GRN: variants seen among roughly 807,000 people sequenced by gnomAD.
GRN encodes the protein progranulin.
In GRN, 30 loss-of-function variants were observed where a neutral mutation model predicts 66.7. The ratio of observed to expected loss-of-function variants is 0.45; its 90% CI spans 0.34 to 0.61. The LOEUF (loss-of-function observed/expected upper bound fraction) is 0.61, where lower values mean the gene tolerates loss of function less well. Among genes scored for constraint, GRN ranks in the 20% least tolerant of loss-of-function variants. The pLI, the probability that GRN is intolerant of heterozygous loss-of-function variation, is 0.01. For synonymous variants in GRN, 327 were observed against 311.1 expected (o/e 1.05, Z -0.54); for missense variants, 731 against 803.5 (o/e 0.91, Z 1.09).
chr17:44,349,414 C>T lies in GRN; in HGVS notation c.139-12C>T. 6.2e-7 allele frequency: 1 copy of T among 1,614,254 alleles called. No homozygotes were observed. The highest frequency in any genetic ancestry group is 1.6e-4 in the Middle Eastern group (1 of 6,062). On this transcript the variant is annotated splice_polypyrimidine_tract_variant and intron_variant, in intron 2 of 12. Coordinates refer to ENST00000053867, the MANE Select transcript of GRN (RefSeq NM_002087.4). ...ACAAGTCTGTGGTTTATCATTTTCC[C>T]TGTCTTTCTAGGACAAATGGCCCAC...
chr17:44,352,627 C>T lies in GRN; in HGVS notation c.1645-34C>T, dbSNP rs369679009. 8.5e-5 allele frequency: 137 copies of T among 1,610,530 alleles called. 1 individual carries two copies. In the Middle Eastern group the frequency reaches 1.2e-3, roughly 14 times the overall value. On this transcript the variant is annotated intron_variant, in intron 12 of 12. Transcript: ENST00000053867. ...TATGGCCAGGGACCAGGTCCCACCT[C>T]GTCCAACCCTCTCGCCCCCCTCTGA... is the stretch of plus-strand genomic sequence containing the variant.
At chr17:44,351,972 A>C (rs750189710) in intron 10 of GRN, 43 bp from the exon 11 acceptor site, 11 of 1,534,360 alleles carry the variant, frequency 7.2e-6, no homozygotes, top group African/African-American at 2.7e-5. Context: ...ACTGCGCCCC[A>C]CATAGTGGCT....
chr17:44,351,885 C>A (rs958231347), intron 10 of GRN, 90 bp downstream of exon 10: 88 of 1,507,944 alleles, frequency 5.8e-5, no homozygotes, highest in Non-Finnish European at 7.8e-5. Context: ...ATAGGTGATA[C>A]CCAGCTCTGA....
rs752117355 is a variant in GRN, at chr17:44,350,225, C to T, written c.350-3C>T. Reference sequence around the variant, plus strand: ...GTAGTATCCTGGGTCATCTTGTCCACAGGTAACAACTCCGTGGGTGCCATC... The same window carrying T: ...GTAGTATCCTGGGTCATCTTGTCCATAGGTAACAACTCCGTGGGTGCCATC... On this transcript the variant is annotated splice_region_variant and splice_polypyrimidine_tract_variant and intron_variant, in intron 4 of 12. Transcript: ENST00000053867. The T allele has an allele frequency of 8.1e-6, 13 of 1,602,440 alleles. No individual in the cohort carries two copies. The highest frequency in any genetic ancestry group is 1.1e-5 in the Non-Finnish European group (13 of 1,169,562).
rs761441906 is a variant in GRN at position 44,351,764 on chromosome 17, C to G, written c.1148C>G (p.Ser383Cys). ...PSSDTCCQLT[S>C]GEWGCCPIPE... ...TCCGATACCTGCTGCCAACTCACGT[C>G]TGGGGAGTGGGGCTGCTGTCCAATC... The change falls in exon 10 of 13, where the codon TCT becomes TGT. Residue 383 changes from serine (S) to cysteine (C), a missense_variant. Transcript: ENST00000053867. 6.2e-7 allele frequency: 1 copy of G among 1,613,544 alleles called. No individual in the cohort carries two copies. Among genetic ancestry groups the G allele is most frequent in the Non-Finnish European group, 8.5e-7 (1 of 1,179,882 alleles).
At chr17:44,347,056 G>A (rs1006999800) in intron 1 of GRN, among the ~76,000 whole-genome samples, 7 of 151,744 alleles carry the variant, frequency 4.6e-5, no homozygotes, top group Non-Finnish European at 8.8e-5. Context: ...GGCGGAGTTC[G>A]CAGTAAGCTG....
Position 44,352,488 on chromosome 17 carries a change from T to C in GRN, c.1561T>C (p.Cys521Arg), listed in dbSNP as rs1401188836. 6.2e-7 allele frequency: 1 copy of C among 1,613,804 alleles called. No individual in the cohort carries two copies. The highest frequency in any genetic ancestry group is 1.7e-5 in the Admixed American group (1 of 60,002). Residue 521 changes from cysteine (C) to arginine (R), a missense_variant, in exon 12 of 13, where the codon TGT becomes CGT. Transcript: ENST00000053867. Reference sequence around the variant, plus strand: ...TCACGTGGGTGTGAAGGACGTGGAGTGTGGGGAAGGACACTTCTGCCATGA... The same window carrying C: ...TCACGTGGGTGTGAAGGACGTGGAGCGTGGGGAAGGACACTTCTGCCATGA... ...SPHVGVKDVE[C>R]GEGHFCHDNQ...
At position 44,351,167 on chromosome 17, in the gene GRN, C is replaced by T; in HGVS notation, c.835+4C>T. 1 of 1,614,132 alleles carries T rather than the reference C, an allele frequency of 6.2e-7. No individual in the cohort carries two copies. The highest frequency in any genetic ancestry group is 8.5e-7 in the Non-Finnish European group (1 of 1,179,978). ...ACTAAGCTGCCTGCGCACACAGGTA[C>T]CAGAGGCAGGGTGCAGATACAGGGG... On this transcript the variant is annotated splice_donor_region_variant and intron_variant, in intron 8 of 12. Transcript: ENST00000053867.
In GRN at chr17:44,351,088, G is replaced by T. The variant is rs755582839; in HGVS notation, c.760G>T (p.Asp254Tyr). The T allele has an allele frequency of 1.9e-6, 3 of 1,614,078 alleles. No individual in the cohort carries two copies. The South Asian group carries it at 3.3e-5, about 18-fold the overall frequency. Residue 254 changes from aspartate (D) to tyrosine (Y), a missense_variant, in exon 8 of 13, where the codon GAC becomes TAC. Asp to Tyr is a radical substitution (Grantham distance 160, BLOSUM62 -3). This residue lies in a region of GRN where 370 missense variants were observed against 379.8 expected (regional missense o/e 0.97). Coordinates refer to ENST00000053867, the MANE Select transcript of GRN (RefSeq NM_002087.4). ...LHCCPQDTVC[D>Y]LIQSKCLSKE... ...CTGCTGCCCCCAAGACACTGTGTGT[G>T]ACCTGATCCAGAGTAAGTGCCTCTC... is the stretch of plus-strand genomic sequence containing the variant.
At chr17:44,347,984 G>A (rs1250604301) in intron 1 of GRN, among the ~76,000 whole-genome samples, 1 of 150,614 alleles carries the variant, frequency 6.6e-6, no homozygotes, top group Non-Finnish European at 1.5e-5. Context: ...CACAGTCCCA[G>A]CTACTTAGTA....
In GRN at chr17:44,349,190, C is replaced by T. The variant is rs63751243; in HGVS notation, c.26C>T (p.Ala9Val). The T allele has an allele frequency of 5.0e-6, 8 of 1,614,098 alleles. No individual in the cohort carries two copies. Among genetic ancestry groups the T allele is most frequent in the African/African-American group, 1.3e-5 (1 of 75,046 alleles). MWTLVSWV[A>V]LTAGLVAGTR... ...ATGTGGACCCTGGTGAGCTGGGTGG[C>T]CTTAACAGCAGGGCTGGTGGCTGGA... The change falls in exon 2 of 13, where the codon GCC becomes GTC. Residue 9 changes from alanine (A) to valine (V), a missense_variant. Coordinates refer to ENST00000053867, the MANE Select transcript of GRN (RefSeq NM_002087.4).
intron 2 of GRN, 29 bp from the exon 3 acceptor site, chr17:44,349,397 G>C: frequency 6.2e-7 from 1 of 1,614,212 alleles, no homozygotes; most frequent in Admixed American, 1.7e-5. Flanking sequence ...GCACAAGTCT[G>C]TGGTTTATCA....
chr17:44,351,875 A>G, intron 10 of GRN, 80 bp downstream of exon 10: 1 of 1,526,964 alleles, frequency 6.5e-7, no homozygotes, highest in Non-Finnish European at 9.0e-7. Context: ...CGCATAGCCC[A>G]TAGGTGATAC....
At chr17:44,349,983 G>A (rs1028699541) in intron 4 of GRN, 8 of 639,728 alleles carry the variant, frequency 1.3e-5, no homozygotes, top group South Asian at 7.1e-5. Flanking sequence ...GGGAGAGGTC[G>A]AGCTGGGCCG....
At chr17:44,346,972 C>G (rs1567884317) in intron 1 of GRN, among the ~76,000 whole-genome samples, 3 of 151,982 alleles carry the variant, frequency 2.0e-5, no homozygotes, top group Non-Finnish European at 4.4e-5. Context: ...CAAAAATTAG[C>G]CAGGTGTGGT....
chr17:44,347,269 A>C (rs1311688964), intron 1 of GRN, among the ~76,000 whole-genome samples: 1 of 152,154 alleles, frequency 6.6e-6, no homozygotes, highest in Non-Finnish European at 1.5e-5. Context: ...CAACGATGTA[A>C]CATTTTCAGG....
chr17:44,351,992 G>A (rs368275963), intron 10 of GRN, 23 bp from the exon 11 acceptor site: 21 of 1,586,978 alleles, frequency 1.3e-5, no homozygotes, highest in African/African-American at 4.0e-5. Context: ...TACCTACAAC[G>A]CCCTTTCCTG....
At position 44,349,757 on chromosome 17, in the gene GRN, G is replaced by A. The variant is rs1567885891; in HGVS notation, c.349+6G>A. On this transcript the variant is annotated splice_donor_region_variant and intron_variant, in intron 4 of 12. Transcript: ENST00000053867. ...ATCCTGCTTCCAAAGATCAGGTGCA[G>A]CTGGGGTGTGGGTGCAGGGCAGGCA... The A allele has an allele frequency of 1.9e-6, 3 of 1,589,404 alleles. No individual in the cohort carries two copies. Among genetic ancestry groups the A allele is most frequent in the Non-Finnish European group, 2.6e-6 (3 of 1,157,912 alleles).
Position 44,352,102 on chromosome 17 carries a change from G to A in GRN, c.1267G>A (p.Val423Met), listed in dbSNP as rs138004785. 8.1e-6 allele frequency: 13 copies of A among 1,613,852 alleles called. No individual in the cohort carries two copies. The highest frequency in any genetic ancestry group is 1.1e-5 in the South Asian group (1 of 91,082). ...GCAGTGTCAGCGAGGAAGCGAGATC[G>A]TGGCTGGACTGGAGAAGATGCCTGC... ...EGQCQRGSEI[V>M]AGLEKMPARR... The change falls in exon 11 of 13, where the codon GTG becomes ATG. Residue 423 changes from valine to methionine, a missense_variant. Coordinates refer to ENST00000053867, the MANE Select transcript of GRN (RefSeq NM_002087.4).
Sources: allele counts gnomAD v4.1 joint callset (sites outside exome capture counted in the v4.1 genomes callset), GRCh38; gene constraint gnomAD v4.1.1; regional missense constraint gnomAD v4.1.1; transcripts MANE v1.5; gene names NCBI Gene and HGNC (gene_info 2026-07-23, HGNC 2026-07-21).